The following HRK variants were observed in gnomAD, a reference collection of about 807,000 sequenced individuals.
HRK encodes activator of apoptosis harakiri.
Under a neutral mutation model 5.9 loss-of-function variants are expected in HRK, and 6 were observed. The observed-to-expected ratio is 1.02, with a 90% CI of 0.56 to 2.01. The LOEUF (loss-of-function observed/expected upper bound fraction) is 2.01, where lower values mean the gene tolerates loss of function less well. Ranked by LOEUF, HRK falls within the 30% of genes most tolerant of loss-of-function variation. HRK has a pLI of 0.00. For synonymous variants in HRK, 85 were observed against 65.1 expected, an observed-to-expected ratio of 1.31 and a Z score of -1.47; for missense variants, 133 against 128.3, an observed-to-expected ratio of 1.04 and a Z score of -0.18.
In HRK at chr12:116,874,011, A is replaced by C. The variant is rs998285043; in HGVS notation, c.*56+6965T>G. Among the ~76,000 whole-genome samples, 2 of 152,340 alleles carry C rather than the reference A, an allele frequency of 1.3e-5. 1 individual carries two copies. ...GGTGATGGAAACCCAATCGATGTCC[A>C]CAATGTTCCCCTGGCACTGAGGGGA... On this transcript the variant is annotated intron_variant, in intron 1 of 1. Transcript: ENST00000257572.
intron 1 of HRK, among the ~76,000 whole-genome samples, chr12:116,863,188 T>C (rs1409387201): frequency 6.6e-6 from 1 of 152,182 alleles, no homozygotes; most frequent in Non-Finnish European, 1.5e-5. Context: ...ACTTTATGGC[T>C]TCTGGGTTTG....
At chr12:116,874,330 T>C (rs909709435) in intron 1 of HRK, among the ~76,000 whole-genome samples, 1 of 152,172 alleles carries the variant, frequency 6.6e-6, no homozygotes, top group Non-Finnish European at 1.5e-5. Context: ...AAAACACCTT[T>C]CTCGCATGTC....
chr12:116,865,385 G>A (rs1271969525), intron 1 of HRK, among the ~76,000 whole-genome samples: 1 of 151,970 alleles, frequency 6.6e-6, no homozygotes, highest in Non-Finnish European at 1.5e-5. Context: ...AAATTAGCCA[G>A]GTGTGGTGGT....
intron 1 of HRK, chr12:116,876,859 T>C (rs2137254144): frequency 6.6e-6 from 1 of 152,482 alleles, no homozygotes; most frequent in South Asian, 2.1e-4. Context: ...CCGGTCTGCT[T>C]ACTGCCCCTA....
At position 116,881,170 on chromosome 12, in the gene HRK, C is replaced by T. The variant is rs1879138825; in HGVS notation, c.138G>A (p.Gln46=). 1 of 1,169,744 alleles carries T rather than the reference C, an allele frequency of 8.5e-7. No homozygotes were observed. The highest frequency in any genetic ancestry group is 1.1e-6 in the Non-Finnish European group (1 of 950,316). 72.5% of individuals were successfully genotyped at this position (1,169,744 alleles called of 1,614,324 possible). The change falls in exon 1 of 2, where the codon CAG becomes CAA. Residue 46 remains glutamine (Q), a synonymous_variant. Coordinates refer to ENST00000257572, the MANE Select transcript of HRK (RefSeq NM_003806.4). The part of the protein sequence containing the change: ...RLKALGDELH[Q]RTMWRRRARS... Reference sequence around the variant, plus strand: ...GCGCGCGGCGCCGCCACATGGTGCGCTGGTGCAGCTCGTCGCCTAGCGCCT... The same window carrying T: ...GCGCGCGGCGCCGCCACATGGTGCGTTGGTGCAGCTCGTCGCCTAGCGCCT...
intron 1 of HRK, among the ~76,000 whole-genome samples, chr12:116,880,718 T>C (rs1434855966): frequency 6.6e-6 from 1 of 152,168 alleles, no homozygotes; most frequent in East Asian, 1.9e-4. Flanking sequence ...CGCAAGCCAC[T>C]GAGCTATAAG....
intron 1 of HRK, among the ~76,000 whole-genome samples, chr12:116,871,000 C>T (rs758160398): frequency 2.0e-5 from 3 of 152,224 alleles, no homozygotes; most frequent in Non-Finnish European, 4.4e-5. Context: ...CTCACTGCAA[C>T]CTCTGCCTCC....
At chr12:116,870,926 T>C (rs1378161587) in intron 1 of HRK, among the ~76,000 whole-genome samples, 1 of 152,212 alleles carries the variant, frequency 6.6e-6, no homozygotes, top group East Asian at 1.9e-4. Context: ...GTTTTTTGTT[T>C]GTTTGTATTT....
chr12:116,862,951 T>C lies in HRK; in HGVS notation c.*57-1485A>G, dbSNP rs1878416286. Among the ~76,000 whole-genome samples, 1 of 152,188 alleles carries C rather than the reference T, an allele frequency of 6.6e-6. No individual in the cohort carries two copies. The highest frequency in any genetic ancestry group is 2.4e-5 in the African/African-American group (1 of 41,448). On this transcript the variant is annotated intron_variant, in intron 1 of 1. Coordinates refer to ENST00000257572, the MANE Select transcript of HRK (RefSeq NM_003806.4). The surrounding 1 kb of genome is among the most constrained non-coding windows in gnomAD (Gnocchi z 4.0). ...CTGAGTTTTGCCATGTTGGCCAGAC[T>C]GGTCTTGAACTCCTATCTTCAAGTG...
intron 1 of HRK, among the ~76,000 whole-genome samples, chr12:116,870,423 G>A (rs138904416): frequency 1.7e-3 from 252 of 152,284 alleles, no homozygotes; most frequent in African/African-American, 5.5e-3. Context: ...GGCTAGAGGT[G>A]TGGTCCATGA....
In HRK at chr12:116,856,882, T is replaced by C. The variant is rs1191756124; in HGVS notation, c.*4641A>G. On this transcript the variant is annotated 3_prime_UTR_variant, in exon 2 of 2. Transcript: ENST00000257572. This position sits in a 1 kb window ranked among gnomAD's most constrained non-coding sequence, Gnocchi z 4.4. ...TGGGAATGCTAACAGTACTATCTGC[T>C]AAAGTGGGCATGAGGCATCGCGGAG... 1 of 152,230 alleles carries C rather than the reference T, an allele frequency of 6.6e-6. No individual in the cohort carries two copies. The highest frequency in any genetic ancestry group is 1.5e-5 in the Non-Finnish European group (1 of 68,064). The allele number at this position is 152,230 out of a possible 1,614,324, so 9.4% of individuals were successfully genotyped here. A position where few individuals can be genotyped will look rare whatever the true frequency, so the allele number is the denominator to read the frequency against.
intron 1 of HRK, among the ~76,000 whole-genome samples, chr12:116,863,263 TCTGGGTTTGGCCAACAGGAGGCA>T (rs1878429297): frequency 6.6e-6 from 1 of 152,180 alleles, no homozygotes; most frequent in African/African-American, 2.4e-5. Flanking sequence ...CTGGCTTCCT[TCTGGGTTTGGCCAACAGGAGGCA>T]CTAATGGGAA....
chr12:116,861,389 C>T lies in HRK; in HGVS notation c.*134G>A, dbSNP rs369709014. 1 of 152,198 alleles carries T rather than the reference C, an allele frequency of 6.6e-6. No individual in the cohort carries two copies. The highest frequency in any genetic ancestry group is 1.5e-5 in the Non-Finnish European group (1 of 68,054). 9.4% of individuals were successfully genotyped at this position (152,198 alleles called of 1,614,324 possible). ...TCCACTTCCTTCTCGAAGTGCCAACCGCGGCCTTTCAAGCTCTGGGCTCCC... is the reference window on the plus strand; with the variant it reads ...TCCACTTCCTTCTCGAAGTGCCAACTGCGGCCTTTCAAGCTCTGGGCTCCC... On this transcript the variant is annotated 3_prime_UTR_variant, in exon 2 of 2. Transcript: ENST00000257572.
At chr12:116,868,785 G>A (rs915751947) in intron 1 of HRK, among the ~76,000 whole-genome samples, 10 of 152,170 alleles carry the variant, frequency 6.6e-5, no homozygotes, top group Admixed American at 4.6e-4. Flanking sequence ...AGTGTTGCCC[G>A]GGCTGGGAAG....
chr12:116,870,087 C>A (rs1005094572), intron 1 of HRK, among the ~76,000 whole-genome samples: 1 of 151,846 alleles, frequency 6.6e-6, no homozygotes, highest in African/African-American at 2.4e-5. Flanking sequence ...CTAAAACACA[C>A]ACACACACAC....
At chr12:116,866,151 C>T (rs1878538186) in intron 1 of HRK, among the ~76,000 whole-genome samples, 1 of 82,414 alleles carries the variant, frequency 1.2e-5, no homozygotes, top group South Asian at 4.2e-4. Flanking sequence ...GAGCAAGATT[C>T]CATCTCAAAA....
intron 1 of HRK, among the ~76,000 whole-genome samples, chr12:116,864,021 G>A (rs1355065180): frequency 2.0e-5 from 3 of 152,014 alleles, no homozygotes; most frequent in East Asian, 1.9e-4. Context: ...TCTATCTCAC[G>A]AGGGCACAAA....
Position 116,878,532 on chromosome 12 carries a change from G to A in HRK, c.*56+2444C>T, listed in dbSNP as rs569754977. The A allele has an allele frequency of 6.6e-6, 1 of 152,466 alleles. No individual in the cohort carries two copies. Among genetic ancestry groups the A allele is most frequent in the African/African-American group, 2.4e-5 (1 of 41,584 alleles). 9.4% of individuals were successfully genotyped at this position (152,466 alleles called of 1,614,324 possible). ...AAGGCCGGAGCGGCTGGTATTCTGA[G>A]GTCAGATGTAGGCTGCAGGGAGAGA... is the stretch of plus-strand genomic sequence containing the variant. On this transcript the variant is annotated intron_variant, in intron 1 of 1. Coordinates refer to ENST00000257572, the MANE Select transcript of HRK (RefSeq NM_003806.4). The surrounding 1 kb of genome is among the most constrained non-coding windows in gnomAD (Gnocchi z 4.4).
At chr12:116,870,845 C>T (rs1035188477) in intron 1 of HRK, among the ~76,000 whole-genome samples, 2 of 152,120 alleles carry the variant, frequency 1.3e-5, no homozygotes, top group Non-Finnish European at 2.9e-5. Context: ...TGGGAGCCAA[C>T]GGCAGTGTTT....
Sources: allele counts gnomAD v4.1 joint callset (sites outside exome capture counted in the v4.1 genomes callset), GRCh38; gene constraint gnomAD v4.1.1; non-coding constraint Gnocchi (gnomAD v3.1); transcripts MANE v1.5; gene names NCBI Gene and HGNC (gene_info 2026-07-23, HGNC 2026-07-21).